The following WDR20 variants were observed in gnomAD, a reference collection of about 807,000 sequenced individuals.
WDR20 encodes the protein WD repeat domain 20, also known as WD repeat-containing protein 20.
Under a neutral mutation model 38.7 loss-of-function variants are expected in WDR20, and 3 were observed. The observed-to-expected ratio is 0.08, with a 90% CI of 0.04 to 0.20. WDR20 has a LOEUF of 0.20. Ranked by LOEUF, WDR20 falls within the 10% of genes least tolerant of loss-of-function variation. The pLI, the probability that WDR20 is intolerant of heterozygous loss-of-function variation, is 1.00. For missense variants in WDR20, 559 were observed against 727.7 expected, an observed-to-expected ratio of 0.77 and a Z score of 2.67; for synonymous variants, 298 against 285.6, an observed-to-expected ratio of 1.04 and a Z score of -0.44.
chr14:102,186,755 C>T (rs999153749), intron 1 of WDR20, among the ~76,000 whole-genome samples: 1 of 151,986 alleles, frequency 6.6e-6, no homozygotes, highest in Non-Finnish European at 1.5e-5. Context: ...ATGGAGACCA[C>T]CCTGGCTAAC....
At chr14:102,178,516 C>T (rs1011128164) in intron 1 of WDR20, among the ~76,000 whole-genome samples, 1 of 152,032 alleles carries the variant, frequency 6.6e-6, no homozygotes, top group Non-Finnish European at 1.5e-5. Flanking sequence ...TTCTCTTAGG[C>T]GTGGTCCCTG....
Position 102,209,763 on chromosome 14 carries a change from A to T in WDR20, c.1593A>T (p.Ile531=). ...PLLEPLICKK[I]AHERLTVLIF... ...TAGAGCCGCTGATATGTAAAAAGAT[A>T]GCACATGAGAGACTGACTGTACTAA... Residue 531 remains isoleucine, a synonymous_variant, in exon 3 of 3, where the codon ATA becomes ATT. Transcript: ENST00000342702. This position sits in a 1 kb window ranked among gnomAD's most constrained non-coding sequence, Gnocchi z 6.0. 6.2e-7 allele frequency: 1 copy of T among 1,614,140 alleles called. No homozygotes were observed. The highest frequency in any genetic ancestry group is 1.7e-5 in the Admixed American group (1 of 60,032).
At position 102,139,940 on chromosome 14, in the gene WDR20, G is replaced by A; in HGVS notation, c.17G>A (p.Gly6Glu). 4.3e-6 allele frequency: 7 copies of A among 1,613,318 alleles called. No individual in the cohort carries two copies. The highest frequency in any genetic ancestry group is 5.9e-6 in the Non-Finnish European group (7 of 1,179,242). MATEG[G>E]GKEMNEIKTQ... ...CTTTCCAAGATGGCGACGGAGGGAG[G>A]AGGGAAGGAGATGAACGAGATTAAG... Residue 6 changes from glycine (G) to glutamate (E), a missense_variant, in exon 1 of 3, where the codon GGA becomes GAA. Physicochemically the swap from Gly to Glu is moderately conservative, Grantham distance 98. Coordinates refer to ENST00000342702, the MANE Select transcript of WDR20 (RefSeq NM_144574.4).
In WDR20 at chr14:102,208,412, T is replaced by C. The variant is rs191698270; in HGVS notation, c.433-191T>C. On this transcript the variant is annotated intron_variant, in intron 2 of 2. Coordinates refer to ENST00000342702, the MANE Select transcript of WDR20 (RefSeq NM_144574.4). This position sits in a 1 kb window ranked among gnomAD's most constrained non-coding sequence, Gnocchi z 5.6. ...AAAGCCAGCAGCCTAACACCGATTTTAGAAAGTAATTCTAAATTACCCCAA... is the reference window on the plus strand; with the variant it reads ...AAAGCCAGCAGCCTAACACCGATTTCAGAAAGTAATTCTAAATTACCCCAA... Among the ~76,000 whole-genome samples, 60 of 152,342 alleles carry C rather than the reference T, an allele frequency of 3.9e-4. No homozygotes were observed. Among genetic ancestry groups the C allele is most frequent in the Non-Finnish European group, 7.8e-4 (53 of 68,030 alleles).
chr14:102,214,639 C>T (rs143262341), downstream of WDR20: 7,023 of 984,420 alleles, frequency 7.1e-3, 32 homozygotes, highest in Non-Finnish European at 7.9e-3. Flanking sequence ...TTATGTTAGG[C>T]GACACTGTAT....
intron 1 of WDR20, among the ~76,000 whole-genome samples, chr14:102,148,333 C>T (rs967099165): frequency 6.6e-6 from 1 of 151,926 alleles, no homozygotes; most frequent in South Asian, 2.1e-4. Context: ...TGGTTGAGCC[C>T]CAGGAGTTTG....
At chr14:102,191,641 C>T (rs1159379454) in intron 1 of WDR20, among the ~76,000 whole-genome samples, 1 of 152,140 alleles carries the variant, frequency 6.6e-6, no homozygotes, top group Non-Finnish European at 1.5e-5. Context: ...TTTATGGGCA[C>T]ATAACCTAGC....
At chr14:102,141,192 T>C (rs1042550029) in intron 1 of WDR20, among the ~76,000 whole-genome samples, 4 of 152,148 alleles carry the variant, frequency 2.6e-5, no homozygotes, top group African/African-American at 9.7e-5. Context: ...AATTAATGCA[T>C]CCCACAGCAC....
downstream of WDR20, chr14:102,213,674 C>T (rs914683256): frequency 2.0e-6 from 2 of 985,482 alleles, no homozygotes; most frequent in Non-Finnish European, 2.4e-6. Flanking sequence ...AGCCATTTCT[C>T]CCCAGTTCCT....
At chr14:102,161,369 A>G (rs2058715071) in intron 1 of WDR20, among the ~76,000 whole-genome samples, 2 of 148,070 alleles carry the variant, frequency 1.4e-5, no homozygotes, top group Middle Eastern at 3.4e-3. Context: ...GCTGGAGTGC[A>G]GCGGTGCGAT....
intron 1 of WDR20, among the ~76,000 whole-genome samples, chr14:102,163,317 A>G (rs1468525295): frequency 6.6e-6 from 1 of 152,120 alleles, no homozygotes; most frequent in African/African-American, 2.4e-5. Context: ...CCGTGAGCCA[A>G]ATAAACTTGT....
intron 1 of WDR20, among the ~76,000 whole-genome samples, chr14:102,178,727 C>G (rs1197447683): frequency 3.3e-5 from 5 of 151,864 alleles, no homozygotes. Flanking sequence ...AACGAAAACT[C>G]AGCTCACTGA....
In WDR20 at chr14:102,208,834, G is replaced by A. The variant is rs768405295; in HGVS notation, c.664G>A (p.Ala222Thr). Residue 222 changes from alanine to threonine, a missense_variant, in exon 3 of 3, where the codon GCC becomes ACC. By Grantham distance (58) the Ala-to-Thr change is moderately conservative (BLOSUM62 0). Transcript: ENST00000342702. The surrounding 1 kb of genome is among the most constrained non-coding windows in gnomAD (Gnocchi z 5.6). ...PLLKWTVGEG[A>T]LNEFAFSPDG... The stretch of plus-strand genomic sequence containing the variant: ...CCTTAAGTGGACGGTGGGCGAGGGG[G>A]CCCTCAACGAGTTTGCTTTCTCCCC... 9 of 1,614,104 alleles carry A rather than the reference G, an allele frequency of 5.6e-6. No homozygotes were observed. The highest frequency in any genetic ancestry group is 4.0e-5 in the African/African-American group (3 of 74,928).
At chr14:102,218,920 T>C (rs116784036), downstream of WDR20, among the ~76,000 whole-genome samples, 1,582 of 152,332 alleles carry the variant, frequency 0.01, 27 homozygotes, top group African/African-American at 0.036. Context: ...GGGCTCCCCT[T>C]GCCAGGTCCT....
In WDR20 at chr14:102,207,076, C is replaced by T. The variant is rs1437296025; in HGVS notation, c.433-1527C>T. On this transcript the variant is annotated intron_variant, in intron 2 of 2. Transcript: ENST00000342702. The surrounding 1 kb of genome is among the most constrained non-coding windows in gnomAD (Gnocchi z 5.0). The stretch of plus-strand genomic sequence containing the variant: ...AAAGAGGAGGTGGGGGATGAAAATA[C>T]TGGCTGTGTCCCCAAGGCTGGCTTG... Among the ~76,000 whole-genome samples the T allele has an allele frequency of 6.6e-6, 1 of 152,228 alleles. No individual in the cohort carries two copies. Among genetic ancestry groups the T allele is most frequent in the African/African-American group, 2.4e-5 (1 of 41,456 alleles).
intron 1 of WDR20, among the ~76,000 whole-genome samples, chr14:102,189,420 G>T (rs911691970): frequency 6.6e-6 from 1 of 152,108 alleles, no homozygotes; most frequent in South Asian, 2.1e-4. Context: ...AACTCCTTAT[G>T]CAAACTCATG....
At position 102,163,627 on chromosome 14, in the gene WDR20, C is replaced by CAAAAAAAAAA. The variant is rs58628061; in HGVS notation, c.249+23469_249+23478dup. On this transcript the variant is annotated intron_variant, in intron 1 of 2. Coordinates refer to ENST00000342702, the MANE Select transcript of WDR20 (RefSeq NM_144574.4). ...TGGGTGACAGAGCAAGACTCTGTCT[C>CAAAAAAAAAA]AAAAAAAAAAAAAAAAAAAAAAATT... Among the ~76,000 whole-genome samples, 46 of 62,810 alleles carry CAAAAAAAAAA rather than the reference C, an allele frequency of 7.3e-4. 5 individuals carry two copies. The highest frequency in any genetic ancestry group is 3.5e-3 in the African/African-American group (44 of 12,674). 41.2% of individuals were successfully genotyped at this position (62,810 alleles called of 152,430 possible).
chr14:102,195,034 G>A lies in WDR20; in HGVS notation c.346G>A (p.Val116Ile). 1 of 1,614,190 alleles carries A rather than the reference G, an allele frequency of 6.2e-7. No homozygotes were observed. Among genetic ancestry groups the A allele is most frequent in the Non-Finnish European group, 8.5e-7 (1 of 1,180,030 alleles). ...CCACCTAACAGCCACAGCAGAAAGT[G>A]TCTCTCTCCTAGTGGGCTTTTCCGC... ...FNHLTATAES[V>I]SLLVGFSAGQ... The change falls in exon 2 of 3, where the codon GTC (valine) becomes ATC (isoleucine). Residue 116 changes from valine (V) to isoleucine (I), a missense_variant. Coordinates refer to ENST00000342702, the MANE Select transcript of WDR20 (RefSeq NM_144574.4).
At chr14:102,214,721 C>G, downstream of WDR20, 1 of 981,098 alleles carries the variant, frequency 1.0e-6, no homozygotes, top group Non-Finnish European at 1.2e-6. Flanking sequence ...ATATTTTCAT[C>G]CAATTTCTTG....
Sources: allele counts gnomAD v4.1 joint callset (sites outside exome capture counted in the v4.1 genomes callset), GRCh38; gene constraint gnomAD v4.1.1; non-coding constraint Gnocchi (gnomAD v3.1); transcripts MANE v1.5; gene names NCBI Gene and HGNC (gene_info 2026-07-23, HGNC 2026-07-21).